PSPC1: variants seen among roughly 807,000 people sequenced by gnomAD.
PSPC1 encodes the protein paraspeckle protein 1.
A neutral mutation model predicts 51.6 loss-of-function variants in PSPC1; 14 were observed. The ratio of observed to expected loss-of-function variants is 0.27; its 90% CI spans 0.18 to 0.42. The LOEUF is 0.42. PSPC1 is among the 10% of genes least tolerant of loss of function. The probability of loss-of-function intolerance (pLI) is 1.00; values close to 1 mark genes in which losing one functional copy is unlikely to be tolerated. For missense variants in PSPC1, 406 were observed against 701.1 expected (o/e 0.58, Z 4.75); for synonymous variants, 193 against 231.9 (o/e 0.83, Z 1.53).
chr13:19,753,993 G>GA (rs199911718), intron 3 of PSPC1, among the ~76,000 whole-genome samples: 4,628 of 148,084 alleles, frequency 0.031, 87 homozygotes, highest in Middle Eastern at 0.042. Context: ...TCTTTCAAAG[G>GA]AAAAAAAAAC....
At chr13:19,675,414 A>C (rs971962497) in intron 7 of PSPC1, 1 of 152,220 alleles carries the variant, frequency 6.6e-6, no homozygotes, top group African/African-American at 2.4e-5. Context: ...TTTAATTTAC[A>C]AATAAAAAGC....
At chr13:19,671,382 G>A, downstream of PSPC1, 1 of 1,151,260 alleles carries the variant, frequency 8.7e-7, no homozygotes, top group Non-Finnish European at 1.3e-6. Flanking sequence ...AAGAATCCTG[G>A]TGTACCTGTC....
intron 6 of PSPC1, among the ~76,000 whole-genome samples, chr13:19,721,610 G>A (rs935911537): frequency 5.3e-5 from 8 of 152,120 alleles, no homozygotes; most frequent in Admixed American, 2.6e-4. Context: ...TTCTCAGAAC[G>A]TTTGAGCTGT....
At chr13:19,742,839 C>G (rs1007838679) in intron 4 of PSPC1, among the ~76,000 whole-genome samples, 3 of 152,138 alleles carry the variant, frequency 2.0e-5, no homozygotes, top group Non-Finnish European at 2.9e-5. Context: ...CCAGACCAAA[C>G]AGGAATCATG....
chr13:19,771,763 G>A (rs1384629750), intron 2 of PSPC1, among the ~76,000 whole-genome samples: 1 of 152,088 alleles, frequency 6.6e-6, no homozygotes, highest in African/African-American at 2.4e-5. Flanking sequence ...TGGGACTACA[G>A]GCATGCACCA....
At chr13:19,746,415 A>G (rs1202857212) in intron 4 of PSPC1, among the ~76,000 whole-genome samples, 2 of 149,154 alleles carry the variant, frequency 1.3e-5, no homozygotes, top group African/African-American at 2.5e-5. Flanking sequence ...ATAAATAAAT[A>G]AATGTTAAAA....
chr13:19,748,026 C>T (rs1272403530), intron 4 of PSPC1, among the ~76,000 whole-genome samples: 1 of 152,092 alleles, frequency 6.6e-6, no homozygotes. Flanking sequence ...CCAGCTTGAC[C>T]AACATGATGA....
chr13:19,731,210 TAGCA>T (rs1566002820), intron 5 of PSPC1, among the ~76,000 whole-genome samples: 4 of 152,268 alleles, frequency 2.6e-5, no homozygotes, highest in African/African-American at 9.6e-5. Context: ...TTACGTGTTA[TAGCA>T]TAAACATTTA....
intron 2 of PSPC1, among the ~76,000 whole-genome samples, chr13:19,762,376 T>C (rs1887678182): frequency 6.6e-6 from 1 of 152,068 alleles, no homozygotes; most frequent in Non-Finnish European, 1.5e-5. Flanking sequence ...GCCAATATAG[T>C]GAAATGCCAT....
chr13:19,744,526 A>C (rs531707497), intron 4 of PSPC1, among the ~76,000 whole-genome samples: 9 of 152,220 alleles, frequency 5.9e-5, no homozygotes, highest in Admixed American at 5.2e-4. Flanking sequence ...TAGGGGAAAA[A>C]ACTGTAAAAA....
intron 6 of PSPC1, among the ~76,000 whole-genome samples, chr13:19,688,012 A>T (rs996269157): frequency 2.0e-5 from 3 of 151,906 alleles, no homozygotes; most frequent in Non-Finnish European, 2.9e-5. Flanking sequence ...CTACTCCCCG[A>T]AACAGATATA....
intron 7 of PSPC1, among the ~76,000 whole-genome samples, chr13:19,677,499 TGA>T (rs1361328375): frequency 6.6e-6 from 1 of 152,180 alleles, no homozygotes; most frequent in Non-Finnish European, 1.5e-5. Flanking sequence ...CTAGCCTTGC[TGA>T]GATATGATGC....
intron 5 of PSPC1, among the ~76,000 whole-genome samples, chr13:19,732,692 T>C (rs1397322229): frequency 6.6e-6 from 1 of 152,104 alleles, no homozygotes; most frequent in Non-Finnish European, 1.5e-5. Context: ...TTTGGGAGCC[T>C]GAGGCAGGTG....
chr13:19,780,185 TGG>T (rs1265259234), intron 1 of PSPC1, among the ~76,000 whole-genome samples: 3 of 65,556 alleles, frequency 4.6e-5, no homozygotes, highest in Non-Finnish European at 6.8e-5. Context: ...GGGAGGGAGG[TGG>T]GGGGGGTCAG....
chr13:19,753,116 C>T (rs9550590), intron 3 of PSPC1, among the ~76,000 whole-genome samples: 11 of 151,768 alleles, frequency 7.2e-5, no homozygotes, highest in Admixed American at 5.9e-4. Context: ...CCGCCCCTCT[C>T]TACTAAAATT....
chr13:19,708,496 T>G (rs1357294375), intron 7 of PSPC1, among the ~76,000 whole-genome samples: 1 of 152,182 alleles, frequency 6.6e-6, no homozygotes, highest in Non-Finnish European at 1.5e-5. Flanking sequence ...TCAAATTTAG[T>G]AAGGCCTACG....
chr13:19,770,875 C>T (rs1240033800), intron 2 of PSPC1, among the ~76,000 whole-genome samples: 2 of 150,644 alleles, frequency 1.3e-5, no homozygotes, highest in African/African-American at 4.9e-5. Flanking sequence ...GCAGCCTGGG[C>T]GACAGAGTGA....
chr13:19,698,564 T>A (rs1879520319), downstream of PSPC1, among the ~76,000 whole-genome samples: 1 of 151,880 alleles, frequency 6.6e-6, no homozygotes, highest in Non-Finnish European at 1.5e-5. Context: ...TATTCTTAAT[T>A]TTGAGACTGA....
At chr13:19,723,712 C>T (rs1408942521) in intron 6 of PSPC1, among the ~76,000 whole-genome samples, 1 of 152,186 alleles carries the variant, frequency 6.6e-6, no homozygotes, top group Non-Finnish European at 1.5e-5. Context: ...GTAAACATTA[C>T]AAACTTATAT....
Sources: allele counts gnomAD v4.1 joint callset (sites outside exome capture counted in the v4.1 genomes callset), GRCh38; gene constraint gnomAD v4.1.1; transcripts MANE v1.5; gene names NCBI Gene and HGNC (gene_info 2026-07-23, HGNC 2026-07-21).